The following CPQ variants were observed in gnomAD, a reference collection of about 807,000 sequenced individuals.
The protein encoded by CPQ is Ser-Met dipeptidase.
CPQ carries 37 observed loss-of-function variants against 45.7 expected under a neutral mutation model. The ratio of observed to expected loss-of-function variants is 0.81; its 90% CI spans 0.62 to 1.07. The LOEUF is 1.07. CPQ is among the 50% of genes least tolerant of loss of function. The pLI is 0.00. For synonymous variants in CPQ, 186 were observed against 205.8 expected, an observed-to-expected ratio of 0.90 and a Z score of 0.82; for missense variants, 537 against 572.9, an observed-to-expected ratio of 0.94 and a Z score of 0.64.
intron 1 of CPQ, among the ~76,000 whole-genome samples, chr8:96,700,463 G>C (rs1228285456): frequency 6.6e-6 from 1 of 152,092 alleles, no homozygotes; most frequent in African/African-American, 2.4e-5. Context: ...ACCAGTGACT[G>C]AGACACAAAA....
chr8:96,853,586 T>G (rs1811802245), intron 3 of CPQ, among the ~76,000 whole-genome samples: 1 of 152,026 alleles, frequency 6.6e-6, no homozygotes, highest in African/African-American at 2.4e-5. Flanking sequence ...TTGGTCAATA[T>G]TTGGTTCACA....
intron 1 of CPQ, among the ~76,000 whole-genome samples, chr8:96,784,635 T>A (rs1368833944): frequency 6.6e-6 from 1 of 152,174 alleles, no homozygotes; most frequent in Non-Finnish European, 1.5e-5. Context: ...TTTTAGCATA[T>A]TTTAAACAGG....
At chr8:97,107,122 G>A (rs1485923525) in intron 7 of CPQ, among the ~76,000 whole-genome samples, 2 of 152,092 alleles carry the variant, frequency 1.3e-5, no homozygotes, top group Non-Finnish European at 2.9e-5. Flanking sequence ...GGCTTAATAG[G>A]TAGTGCACTA....
chr8:96,967,355 A>G, intron 5 of CPQ, among the ~76,000 whole-genome samples: 1 of 152,172 alleles, frequency 6.6e-6, no homozygotes, highest in East Asian at 1.9e-4. Flanking sequence ...TTTGGTCCTT[A>G]AGCAAGTCAT....
intron 5 of CPQ, among the ~76,000 whole-genome samples, chr8:96,967,095 C>T (rs1813579429): frequency 6.6e-6 from 1 of 152,216 alleles, no homozygotes; most frequent in African/African-American, 2.4e-5. Flanking sequence ...CTCTCCTCCT[C>T]TTCTCTTAAA....
chr8:97,044,271 T>G (rs560420994), intron 6 of CPQ, among the ~76,000 whole-genome samples: 2 of 152,240 alleles, frequency 1.3e-5, no homozygotes, highest in Non-Finnish European at 2.9e-5. Context: ...TCCAGTTGAT[T>G]GCATCGGCTC....
intron 5 of CPQ, among the ~76,000 whole-genome samples, chr8:97,005,374 C>G (rs1020925569): frequency 6.6e-6 from 1 of 151,822 alleles, no homozygotes; most frequent in Non-Finnish European, 1.5e-5. Flanking sequence ...GGCACCGCTC[C>G]TGGCCTATGA....
chr8:96,702,914 T>G (rs1444834498), intron 1 of CPQ, among the ~76,000 whole-genome samples: 1 of 152,210 alleles, frequency 6.6e-6, no homozygotes, highest in Non-Finnish European at 1.5e-5. Flanking sequence ...TGTCTAGTGC[T>G]TCTACATGCA....
At chr8:96,740,175 C>T (rs1043847165) in intron 1 of CPQ, among the ~76,000 whole-genome samples, 5 of 152,040 alleles carry the variant, frequency 3.3e-5, no homozygotes, top group African/African-American at 1.2e-4. Flanking sequence ...AGAGGTCCTT[C>T]ACATCCCTTG....
intron 2 of CPQ, among the ~76,000 whole-genome samples, chr8:96,800,114 G>A (rs554649035): frequency 6.6e-5 from 10 of 152,292 alleles, no homozygotes; most frequent in African/African-American, 2.4e-4. Flanking sequence ...TGTCTAAAAT[G>A]TTAAGGAATA....
Position 97,066,030 on chromosome 8 carries a change from C to G in CPQ, c.1075C>G (p.Leu359Val). 1 of 1,611,078 alleles carries G rather than the reference C, an allele frequency of 6.2e-7. No homozygotes were observed. The highest frequency in any genetic ancestry group is 8.5e-7 in the Non-Finnish European group (1 of 1,179,334). ...TTAGGTAAATATTTCCAACTACAGT[C>G]TGGTGATGGAGTCTGACGCAGGAAC... ...LHKVNISNYS[L>V]VMESDAGTFL... The change falls in exon 7 of 8, where the codon CTG becomes GTG. Residue 359 changes from leucine to valine, a missense_variant. Transcript: ENST00000220763.
At chr8:96,746,355 T>C (rs1810182255) in intron 1 of CPQ, among the ~76,000 whole-genome samples, 1 of 152,200 alleles carries the variant, frequency 6.6e-6, no homozygotes, top group Non-Finnish European at 1.5e-5. Flanking sequence ...ATTTTACAGA[T>C]GGTATTTAGT....
At chr8:97,099,115 CTT>C (rs34830752) in intron 7 of CPQ, among the ~76,000 whole-genome samples, 149 of 66,284 alleles carry the variant, frequency 2.2e-3, no homozygotes, top group Admixed American at 3.2e-3. Flanking sequence ...CCTTCTCTCT[CTT>C]TTTTTTTTTT....
In CPQ at chr8:96,993,382, G is replaced by A. The variant is rs1163962412; in HGVS notation, c.961+27336G>A. 3.3e-5 allele frequency among the ~76,000 whole-genome samples: 5 copies of A among 152,048 alleles called. No individual in the cohort carries two copies. The East Asian group carries it at 7.7e-4, about 23-fold the overall frequency. ...TTAGTACAAGCTTATGCATCATCAG[G>A]CATGTTGTATACAAAAATAATGATG... On this transcript the variant is annotated intron_variant, in intron 5 of 7. Transcript: ENST00000220763.
intron 1 of CPQ, among the ~76,000 whole-genome samples, chr8:96,725,089 G>T (rs1459636713): frequency 6.6e-6 from 1 of 152,092 alleles, no homozygotes; most frequent in Non-Finnish European, 1.5e-5. Context: ...ACCAAAAATG[G>T]ATTAAAGACT....
intron 6 of CPQ, among the ~76,000 whole-genome samples, chr8:97,042,962 G>T (rs1319772513): frequency 2.3e-4 from 35 of 152,022 alleles, no homozygotes; most frequent in African/African-American, 8.2e-4. Flanking sequence ...TGTATATTCT[G>T]TTGATTTGGG....
chr8:96,929,160 G>A (rs994110010), intron 4 of CPQ, among the ~76,000 whole-genome samples: 2 of 152,116 alleles, frequency 1.3e-5, no homozygotes, highest in Admixed American at 6.5e-5. Flanking sequence ...AATTCCAGGT[G>A]CTTTATTTCT....
chr8:96,863,493 G>C (rs1471082601), intron 3 of CPQ, among the ~76,000 whole-genome samples: 1 of 151,988 alleles, frequency 6.6e-6, no homozygotes, highest in Non-Finnish European at 1.5e-5. Context: ...TAGTGAAATT[G>C]GGCAGGAAGA....
chr8:97,128,891 T>C lies in CPQ; in HGVS notation c.1256-14129T>C, dbSNP rs949393190. On this transcript the variant is annotated intron_variant, in intron 7 of 7. Coordinates refer to ENST00000220763, the MANE Select transcript of CPQ (RefSeq NM_016134.4). Reference sequence around the variant, plus strand: ...ATGATGGTTGGACTAGAGAAGTTCTTTCCCAGTCCTGATTATGTGAAAAGA... The same window carrying C: ...ATGATGGTTGGACTAGAGAAGTTCTCTCCCAGTCCTGATTATGTGAAAAGA... Among the ~76,000 whole-genome samples, 4 of 152,186 alleles carry C rather than the reference T, an allele frequency of 2.6e-5. No individual in the cohort carries two copies. The East Asian group carries it at 7.7e-4, about 29-fold the overall frequency.
Sources: gnomAD v4.1 joint callset for allele counts (sites outside exome capture counted in the v4.1 genomes callset) on GRCh38, gnomAD v4.1.1 for gene constraint, MANE v1.5 for transcripts, NCBI Gene and HGNC (gene_info 2026-07-23, HGNC 2026-07-21) for gene names.